MAP1B: variants seen among roughly 807,000 people sequenced by gnomAD.
The protein encoded by MAP1B is microtubule associated protein 1B, also known as microtubule-associated protein 1B.
MAP1B carries 12 observed loss-of-function variants against 176.1 expected under a neutral mutation model. That is an observed-to-expected ratio of 0.07 (90% confidence interval 0.04 to 0.11). The LOEUF is 0.11. Ranked by LOEUF, MAP1B falls within the 10% of genes least tolerant of loss-of-function variation. The probability of loss-of-function intolerance (pLI) is 1.00; values close to 1 mark genes in which losing one functional copy is unlikely to be tolerated. For synonymous variants in MAP1B, 1,044 were observed against 1,135.0 expected (o/e 0.92, Z 1.61); for missense variants, 2,523 against 2,990.5 (o/e 0.84, Z 3.65).
In MAP1B at chr5:72,199,252, C is replaced by G. The variant is rs373150235; in HGVS notation, c.5897C>G (p.Pro1966Arg). Residue 1966 changes from proline to arginine, a missense_variant, in exon 5 of 7, where the codon CCC becomes CGC. This residue lies in a region of MAP1B where 1,925 missense variants were observed against 2,126.0 expected (regional missense o/e 0.91). Coordinates refer to ENST00000296755, the MANE Select transcript of MAP1B (RefSeq NM_005909.5). This position sits in a 1 kb window ranked among gnomAD's most constrained non-coding sequence, Gnocchi z 4.2. The stretch of plus-strand genomic sequence containing the variant: ...GACATAAGTGAAAAGACCACCAGCC[C>G]CCCCGAAGTGAGTGGTTACAGCTAT... ...SYDISEKTTS[P>R]PEVSGYSYEK... 6.8e-6 allele frequency: 11 copies of G among 1,613,992 alleles called. No individual in the cohort carries two copies. Among genetic ancestry groups the G allele is most frequent in the Non-Finnish European group, 9.3e-6 (11 of 1,180,018 alleles).
rs115786512 is a variant in MAP1B at position 72,142,678 on chromosome 5, A to T, written c.286+26879A>T. 8.6e-3 allele frequency among the ~76,000 whole-genome samples: 1,306 copies of T among 152,080 alleles called. 21 individuals carry two copies. Among genetic ancestry groups the T allele is most frequent in the African/African-American group, 0.03 (1,239 of 41,528 alleles). On this transcript the variant is annotated intron_variant, in intron 2 of 6. Coordinates refer to ENST00000296755, the MANE Select transcript of MAP1B (RefSeq NM_005909.5). ...AGAAAAAAGGGATTTTTTTTCAGGA[A>T]AAAAAGTGCTCCCCAAGTAGAACAA... is the stretch of plus-strand genomic sequence containing the variant.
At chr5:72,164,629 A>C (rs570468656) in intron 2 of MAP1B, among the ~76,000 whole-genome samples, 2 of 152,260 alleles carry the variant, frequency 1.3e-5, no homozygotes, top group Non-Finnish European at 1.5e-5. Flanking sequence ...GATCATGGAA[A>C]TCATGTGCAG....
Position 72,195,593 on chromosome 5 carries a change from G to A in MAP1B, c.2238G>A (p.Leu746=). ...ACGCAAAGAAATCATCTACTCCTCTGTCTGAAGCAAAAAAACCAGCTGCTT... is the reference window on the plus strand; with the variant it reads ...ACGCAAAGAAATCATCTACTCCTCTATCTGAAGCAAAAAAACCAGCTGCTT... ...PKDAKKSSTP[L]SEAKKPAALK... The change falls in exon 5 of 7, where the codon CTG becomes CTA. Residue 746 remains leucine, a synonymous_variant. Transcript: ENST00000296755. 2 of 1,614,174 alleles carry A rather than the reference G, an allele frequency of 1.2e-6. No individual in the cohort carries two copies. Among genetic ancestry groups the A allele is most frequent in the Non-Finnish European group, 1.7e-6 (2 of 1,180,040 alleles).
rs998493633 is a variant in MAP1B, at chr5:72,206,590, T to A, written c.*1351T>A. 2 of 152,542 alleles carry A rather than the reference T, an allele frequency of 1.3e-5. No homozygotes were observed. Among genetic ancestry groups the A allele is most frequent in the Non-Finnish European group, 2.9e-5 (2 of 68,038 alleles). The allele number at this position is 152,542 out of a possible 1,614,324, so 9.4% of individuals were successfully genotyped here. On this transcript the variant is annotated 3_prime_UTR_variant, in exon 7 of 7. Transcript: ENST00000296755. Reference sequence around the variant, plus strand: ...ATTTCAACATAATTATGGGAACAAGTGTACAGAAGAATTTTTTTTTTAAGA... The same window carrying A: ...ATTTCAACATAATTATGGGAACAAGAGTACAGAAGAATTTTTTTTTTAAGA...
chr5:72,122,131 T>C (rs1281072460), intron 2 of MAP1B, among the ~76,000 whole-genome samples: 1 of 152,232 alleles, frequency 6.6e-6, no homozygotes, highest in African/African-American at 2.4e-5. Context: ...GATCTCTGTT[T>C]AATATTCCTT....
At position 72,198,278 on chromosome 5, in the gene MAP1B, A is replaced by C. The variant is rs1747232999; in HGVS notation, c.4923A>C (p.Glu1641Asp). 6.2e-7 allele frequency: 1 copy of C among 1,614,124 alleles called. No homozygotes were observed. The highest frequency in any genetic ancestry group is 1.1e-5 in the South Asian group (1 of 91,088). ...SRTPVQDHRS[E>D]QSSMSIEFGQ... ...CACCCGTTCAAGATCACAGATCTGA[A>C]CAGTCCTCAATGTCTATTGAATTTG... The change falls in exon 5 of 7, where the codon GAA becomes GAC. Residue 1641 changes from glutamate (E) to aspartate (D), a missense_variant. Transcript: ENST00000296755.
In MAP1B at chr5:72,194,592, C is replaced by A; in HGVS notation, c.1237C>A (p.Gln413Lys). Reference protein sequence around the residue: ...GNTIDPVILFQKMGVGKLEMY... With the variant: ...GNTIDPVILFKKMGVGKLEMY... ...TACTATTGATCCTGTCATTCTTTTC[C>A]AAAAAATGGGAGTAGGTAAACTTGA... Residue 413 changes from glutamine (Q) to lysine (K), a missense_variant, in exon 5 of 7, where the codon CAA becomes AAA. This residue lies in a region of MAP1B where 1,925 missense variants were observed against 2,126.0 expected (regional missense o/e 0.91). Coordinates refer to ENST00000296755, the MANE Select transcript of MAP1B (RefSeq NM_005909.5). The surrounding 1 kb of genome is among the most constrained non-coding windows in gnomAD (Gnocchi z 7.2). The A allele has an allele frequency of 6.2e-7, 1 of 1,613,550 alleles. No homozygotes were observed. The highest frequency in any genetic ancestry group is 8.5e-7 in the Non-Finnish European group (1 of 1,179,906).
In MAP1B at chr5:72,197,346, G is replaced by T. The variant is rs777724070; in HGVS notation, c.3991G>T (p.Ala1331Ser). 6.2e-7 allele frequency: 1 copy of T among 1,614,206 alleles called. No individual in the cohort carries two copies. Reference protein sequence around the residue: ...VSPSQSVTGSAGHTPYYQSPT... With the variant: ...VSPSQSVTGSSGHTPYYQSPT... ...ACCATCTCAGTCCGTGACTGGCAGT[G>T]CTGGTCACACACCTTACTATCAATC... The change falls in exon 5 of 7, where the codon GCT (alanine) becomes TCT (serine). Residue 1331 changes from alanine (A) to serine (S), a missense_variant. By Grantham distance (99) the Ala-to-Ser change is moderately conservative. Transcript: ENST00000296755.
chr5:72,193,334 C>G, intron 4 of MAP1B: 1 of 360,800 alleles, frequency 2.8e-6, no homozygotes, highest in Non-Finnish European at 5.3e-6. Context: ...TTAAGGTATC[C>G]ATCAGGCCTT....
At chr5:72,115,588 G>T in intron 1 of MAP1B, 110 bp from the exon 2 acceptor site, 1 of 708,524 alleles carries the variant, frequency 1.4e-6, no homozygotes, top group East Asian at 2.6e-5. Context: ...TTCAGAAAAG[G>T]AGTTCCCACA....
At chr5:72,172,291 C>T (rs1746559964) in intron 2 of MAP1B, among the ~76,000 whole-genome samples, 1 of 152,182 alleles carries the variant, frequency 6.6e-6, no homozygotes, top group Admixed American at 6.5e-5. Context: ...ATGATATTGT[C>T]CCCCTCGCAG....
intron 2 of MAP1B, among the ~76,000 whole-genome samples, chr5:72,126,111 T>A (rs187977248): frequency 2.0e-5 from 3 of 152,296 alleles, no homozygotes; most frequent in Admixed American, 2.0e-4. Flanking sequence ...CTGATTCAGC[T>A]GTCCCTGTGT....
chr5:72,133,059 G>T (rs573075097), intron 2 of MAP1B, among the ~76,000 whole-genome samples: 2 of 152,216 alleles, frequency 1.3e-5, no homozygotes, highest in South Asian at 4.1e-4. Context: ...CTCCACCCTG[G>T]GTCCATGGTC....
chr5:72,128,408 T>A (rs377602496), intron 2 of MAP1B, among the ~76,000 whole-genome samples: 3,012 of 141,204 alleles, frequency 0.021, 67 homozygotes, highest in African/African-American at 0.06. Flanking sequence ...GATATTGTTT[T>A]AAAAAAAAAA....
intron 2 of MAP1B, among the ~76,000 whole-genome samples, chr5:72,126,765 A>G (rs1384518060): frequency 1.3e-5 from 2 of 152,240 alleles, no homozygotes; most frequent in Non-Finnish European, 2.9e-5. Context: ...ATCCATGAGT[A>G]TTCTTAATTT....
rs138115181 is a variant in MAP1B, at chr5:72,166,992, T to G, written c.287-16751T>G. 6.6e-3 allele frequency among the ~76,000 whole-genome samples: 998 copies of G among 150,762 alleles called. 3 individuals are homozygous for G. The highest frequency in any genetic ancestry group is 0.017 in the Middle Eastern group (5 of 292). Reference sequence around the variant, plus strand: ...TATAGCTTTTGGTACAGCCACATAATGTATGCTAATTGCTATATTCCTTCT... The same window carrying G: ...TATAGCTTTTGGTACAGCCACATAAGGTATGCTAATTGCTATATTCCTTCT... On this transcript the variant is annotated intron_variant, in intron 2 of 6. Coordinates refer to ENST00000296755, the MANE Select transcript of MAP1B (RefSeq NM_005909.5).
chr5:72,131,441 G>GTTATA (rs1469435521), intron 2 of MAP1B, among the ~76,000 whole-genome samples: 1 of 152,104 alleles, frequency 6.6e-6, no homozygotes, highest in Non-Finnish European at 1.5e-5. Flanking sequence ...TCAATGTGAG[G>GTTATA]TTATAATAGC....
chr5:72,162,067 G>A (rs1490964975), intron 2 of MAP1B, among the ~76,000 whole-genome samples: 1 of 151,830 alleles, frequency 6.6e-6, no homozygotes, highest in East Asian at 1.9e-4. Flanking sequence ...CATCACCAGA[G>A]AGTGAAAAGG....
chr5:72,131,002 T>A (rs1233428561), intron 2 of MAP1B, among the ~76,000 whole-genome samples: 3 of 152,212 alleles, frequency 2.0e-5, no homozygotes, highest in Non-Finnish European at 2.9e-5. Context: ...TTCACAAATA[T>A]ATTGTTTGTC....
Sources: gnomAD v4.1 joint callset for allele counts (sites outside exome capture counted in the v4.1 genomes callset) on GRCh38, gnomAD v4.1.1 for gene constraint, gnomAD v4.1.1 regional missense constraint, Gnocchi (gnomAD v3.1) non-coding constraint, MANE v1.5 for transcripts, NCBI Gene and HGNC (gene_info 2026-07-23, HGNC 2026-07-21) for gene names.